The following DOCK1 variants were observed in gnomAD, a reference collection of about 807,000 sequenced individuals.
DOCK1 encodes the protein dedicator of cytokinesis 1, also known as dedicator of cytokinesis protein 1.
A neutral mutation model predicts 262.7 loss-of-function variants in DOCK1; 138 were observed. That is an observed-to-expected ratio of 0.53 (90% CI 0.46 to 0.61). The LOEUF (loss-of-function observed/expected upper bound fraction) is 0.61. Ranked by LOEUF, DOCK1 falls within the 20% of genes least tolerant of loss-of-function variation. The pLI is 0.00. For synonymous variants in DOCK1, 866 were observed against 867.4 expected, an observed-to-expected ratio of 1.00 and a Z score of 0.03; for missense variants, 1,908 against 2,370.7, an observed-to-expected ratio of 0.80 and a Z score of 4.05.
At chr10:127,246,122 C>A (rs1281532373) in intron 27 of DOCK1, among the ~76,000 whole-genome samples, 1 of 152,140 alleles carries the variant, frequency 6.6e-6, no homozygotes, top group Non-Finnish European at 1.5e-5. Flanking sequence ...GAATCTCTAC[C>A]TTGTGTTGGT....
intron 37 of DOCK1, among the ~76,000 whole-genome samples, chr10:127,381,868 C>A (rs111227464): frequency 3.7e-4 from 56 of 152,178 alleles, no homozygotes; most frequent in Admixed American, 9.8e-4. Context: ...TTGCTCCTAG[C>A]ACAAGTCTGG....
intron 27 of DOCK1, among the ~76,000 whole-genome samples, chr10:127,206,403 C>T (rs540916659): frequency 3.9e-5 from 6 of 152,302 alleles, no homozygotes; most frequent in African/African-American, 1.4e-4. Flanking sequence ...CTCGGCCTCC[C>T]AAAGTGCTGG....
chr10:126,987,499 C>T (rs539939873), intron 4 of DOCK1, 22 bp from the exon 5 acceptor site: 2 of 1,561,248 alleles, frequency 1.3e-6, no homozygotes, highest in African/African-American at 1.4e-5. Context: ...GACTCAGCTG[C>T]TCTTTCCTTC....
At chr10:127,419,863 C>T (rs1191183126) in intron 46 of DOCK1, 114 bp downstream of exon 46, 10 of 1,131,292 alleles carry the variant, frequency 8.8e-6, no homozygotes, top group East Asian at 2.6e-5. Flanking sequence ...TCCTGATGCA[C>T]GTGGCTGTGA....
chr10:127,415,262 G>C, intron 44 of DOCK1, 24 bp downstream of exon 44: 3 of 1,605,378 alleles, frequency 1.9e-6, no homozygotes, highest in Non-Finnish European at 2.6e-6. Flanking sequence ...CACCCCAGAA[G>C]GAATTGTCCG....
At chr10:127,146,921 C>T (rs1040175811) in intron 27 of DOCK1, among the ~76,000 whole-genome samples, 9 of 152,180 alleles carry the variant, frequency 5.9e-5, no homozygotes, top group Non-Finnish European at 1.0e-4. Context: ...CTGTCTTGAT[C>T]GTGCACTATC....
chr10:127,017,186 C>CATAT (rs1403471427), intron 12 of DOCK1, among the ~76,000 whole-genome samples: 3 of 45,842 alleles, frequency 6.5e-5, no homozygotes, highest in African/African-American at 1.2e-4. Flanking sequence ...AGATACACCA[C>CATAT]ACATACACAC....
intron 27 of DOCK1, among the ~76,000 whole-genome samples, chr10:127,237,216 C>G (rs377157007): frequency 5.9e-5 from 9 of 151,886 alleles, no homozygotes; most frequent in African/African-American, 2.2e-4. Flanking sequence ...AAAAATTAGC[C>G]GGGTATGGTG....
chr10:127,121,119 C>A (rs1192059123), intron 25 of DOCK1, among the ~76,000 whole-genome samples: 1 of 152,140 alleles, frequency 6.6e-6, no homozygotes, highest in Non-Finnish European at 1.5e-5. Flanking sequence ...AAAAGGCTTT[C>A]CCCAAATCCC....
chr10:127,315,263 A>G (rs1462468984), intron 29 of DOCK1, among the ~76,000 whole-genome samples: 1 of 152,204 alleles, frequency 6.6e-6, no homozygotes, highest in Non-Finnish European at 1.5e-5. Context: ...TGGACTATTA[A>G]AAATCCAAAA....
intron 12 of DOCK1, among the ~76,000 whole-genome samples, chr10:127,017,035 C>CCACA (rs147295824): frequency 0.2 from 21,967 of 108,430 alleles, 3,301 homozygotes; most frequent in Non-Finnish European, 0.24. Context: ...GATACAGATA[C>CCACA]CACACACACA....
chr10:127,363,041 C>CCCCACA (rs2064677075), intron 33 of DOCK1, among the ~76,000 whole-genome samples: 1 of 19,078 alleles, frequency 5.2e-5, no homozygotes. Context: ...GCACCTCCCC[C>CCCCACA]CACACACACA....
chr10:127,289,645 T>C (rs182827525), intron 29 of DOCK1, among the ~76,000 whole-genome samples: 37 of 152,316 alleles, frequency 2.4e-4, no homozygotes, highest in East Asian at 1.9e-4. Context: ...TTTTGTACCT[T>C]TGAAAATTTA....
At chr10:127,049,918 G>A (rs771997910) in intron 21 of DOCK1, among the ~76,000 whole-genome samples, 3 of 148,232 alleles carry the variant, frequency 2.0e-5, no homozygotes, top group African/African-American at 5.0e-5. Flanking sequence ...ATAGACCTTC[G>A]ATTTTGTAAC....
intron 27 of DOCK1, among the ~76,000 whole-genome samples, chr10:127,190,776 G>A (rs1002659758): frequency 6.9e-6 from 1 of 145,108 alleles, no homozygotes; most frequent in African/African-American, 2.6e-5. Context: ...TTTCTATCTT[G>A]CCACATTACA....
At chr10:127,278,052 G>T (rs990858926) in intron 29 of DOCK1, among the ~76,000 whole-genome samples, 4 of 151,338 alleles carry the variant, frequency 2.6e-5, no homozygotes, top group Admixed American at 1.3e-4. Flanking sequence ...ATGCGCACAC[G>T]CTTCCCTCTT....
intron 47 of DOCK1, among the ~76,000 whole-genome samples, chr10:127,431,473 A>T (rs913067575): frequency 1.3e-5 from 2 of 152,214 alleles, no homozygotes; most frequent in African/African-American, 4.8e-5. Context: ...GAGATTATGT[A>T]TGGGGTAAGG....
chr10:127,253,873 T>TAAAA (rs199708036), intron 28 of DOCK1, among the ~76,000 whole-genome samples: 1 of 10,098 alleles, frequency 9.9e-5, no homozygotes, highest in Non-Finnish European at 2.8e-4. Context: ...AGACCCTGTC[T>TAAAA]CAAAAAAAAA....
intron 33 of DOCK1, among the ~76,000 whole-genome samples, chr10:127,362,841 A>ATG (rs368682798): frequency 0.022 from 272 of 12,178 alleles, 118 homozygotes; most frequent in South Asian, 0.036. Context: ...ACACATACAC[A>ATG]CACACACACA....
Sources: gnomAD v4.1 joint callset for allele counts (sites outside exome capture counted in the v4.1 genomes callset) on GRCh38, gnomAD v4.1.1 for gene constraint, MANE v1.5 for transcripts, NCBI Gene and HGNC (gene_info 2026-07-23, HGNC 2026-07-21) for gene names.